The following DPP10 variants were observed in gnomAD, a reference collection of about 807,000 sequenced individuals.
The protein encoded by DPP10 is dipeptidyl peptidase like 10.
Under a neutral mutation model 120.9 loss-of-function variants are expected in DPP10, and 33 were observed. That is an observed-to-expected ratio of 0.27 (90% CI 0.21 to 0.37). DPP10 has a LOEUF of 0.37. Ranked by LOEUF, DPP10 falls within the 10% of genes least tolerant of loss-of-function variation. The pLI, the probability that DPP10 is intolerant of heterozygous loss-of-function variation, is 1.00. For synonymous variants in DPP10, 337 were observed against 326.1 expected (o/e 1.03, Z -0.36); for missense variants, 816 against 942.8 (o/e 0.87, Z 1.76).
rs927932356 is a variant in DPP10, at chr2:115,685,317, A to G, written c.442-4370A>G. Among the ~76,000 whole-genome samples, 3 of 151,978 alleles carry G rather than the reference A, an allele frequency of 2.0e-5. No homozygotes were observed. The South Asian group carries it at 6.2e-4, about 31-fold the overall frequency. ...TGTATAAATCACTTCGACTAAGTCA[A>G]CTAGTATATTTCTATGACGTACTCA... On this transcript the variant is annotated intron_variant, in intron 5 of 25. Transcript: ENST00000410059.
At chr2:114,568,276 T>C (rs541228510) in intron 1 of DPP10, among the ~76,000 whole-genome samples, 1 of 152,194 alleles carries the variant, frequency 6.6e-6, no homozygotes, top group Non-Finnish European at 1.5e-5. Flanking sequence ...TCTACCACTA[T>C]GAATATTTAT....
At chr2:115,464,896 C>A (rs1179235767) in intron 3 of DPP10, among the ~76,000 whole-genome samples, 1 of 152,052 alleles carries the variant, frequency 6.6e-6, no homozygotes, top group Non-Finnish European at 1.5e-5. Context: ...AGTTAGATTT[C>A]CATAATCTCA....
intron 1 of DPP10, among the ~76,000 whole-genome samples, chr2:114,642,556 G>A (rs1017789092): frequency 6.6e-6 from 1 of 151,880 alleles, no homozygotes; most frequent in African/African-American, 2.4e-5. Context: ...GTGCAGATGG[G>A]TAAGTAAGCT....
chr2:114,866,937 G>A (rs1023995335), intron 1 of DPP10, among the ~76,000 whole-genome samples: 2 of 152,286 alleles, frequency 1.3e-5, no homozygotes, highest in East Asian at 3.9e-4. Flanking sequence ...GCCTTGTTAA[G>A]ATTCAGTTTG....
At chr2:115,115,732 G>C (rs2049469575) in intron 1 of DPP10, among the ~76,000 whole-genome samples, 1 of 152,116 alleles carries the variant, frequency 6.6e-6, no homozygotes, top group African/African-American at 2.4e-5. Flanking sequence ...CATAAAAACT[G>C]GTGGTGTGTT....
chr2:114,733,053 A>T (rs891709244), intron 1 of DPP10, among the ~76,000 whole-genome samples: 1 of 152,202 alleles, frequency 6.6e-6, no homozygotes, highest in African/African-American at 2.4e-5. Context: ...AGTAAAGAAG[A>T]GGACACATTG....
intron 1 of DPP10, among the ~76,000 whole-genome samples, chr2:114,875,039 C>A (rs749832381): frequency 6.6e-6 from 1 of 152,108 alleles, no homozygotes; most frequent in African/African-American, 2.4e-5. Context: ...CACAATTATT[C>A]TGTCATCTGG....
Position 115,780,923 on chromosome 2 carries a change from A to G in DPP10, c.1411A>G (p.Met471Val), listed in dbSNP as rs1164930324. Residue 471 changes from methionine to valine, a missense_variant, in exon 16 of 26, where the codon ATG becomes GTG. Met to Val is a conservative substitution (Grantham distance 21). Transcript: ENST00000410059. ...TCGCCAATGCATTTCATGTAATTTC[A>G]TGAAAGAACAATGTACATATTTTGA... ...LNRQCISCNF[M>V]KEQCTYFDAS... is the part of the protein sequence containing the mutation. 8 of 1,604,934 alleles carry G rather than the reference A, an allele frequency of 5.0e-6. No homozygotes were observed. The highest frequency in any genetic ancestry group is 6.0e-6 in the Non-Finnish European group (7 of 1,174,028).
chr2:114,917,079 C>T (rs1177827746), intron 1 of DPP10, among the ~76,000 whole-genome samples: 1 of 152,222 alleles, frequency 6.6e-6, no homozygotes, highest in Non-Finnish European at 1.5e-5. Flanking sequence ...TCCATAGTCT[C>T]TGCCCAAATG....
chr2:114,617,991 A>G (rs1048064469), intron 1 of DPP10, among the ~76,000 whole-genome samples: 1 of 152,024 alleles, frequency 6.6e-6, no homozygotes, highest in Non-Finnish European at 1.5e-5. Context: ...TTTTCTCTAC[A>G]TGTCAGATAA....
intron 1 of DPP10, among the ~76,000 whole-genome samples, chr2:114,946,134 A>C (rs6736340): frequency 0.39 from 59,763 of 152,048 alleles, 12,056 homozygotes; most frequent in Admixed American, 0.43. Flanking sequence ...TTGGTACAGA[A>C]GAAAGAACTT....
intron 1 of DPP10, among the ~76,000 whole-genome samples, chr2:114,991,990 C>T (rs1700777739): frequency 6.6e-6 from 1 of 152,240 alleles, no homozygotes; most frequent in South Asian, 2.1e-4. Context: ...CCAAGGACCA[C>T]AGTCATGAAT....
intron 5 of DPP10, among the ~76,000 whole-genome samples, chr2:115,565,778 T>TTG (rs2080970406): frequency 7.0e-6 from 1 of 142,728 alleles, no homozygotes; most frequent in African/African-American, 2.7e-5. Context: ...TGTTTTTTTT[T>TTG]GTTTTTTTTT....
chr2:115,727,620 A>G (rs2092797176), intron 7 of DPP10, among the ~76,000 whole-genome samples, 196 bp from the exon 8 acceptor site: 1 of 152,168 alleles, frequency 6.6e-6, no homozygotes, highest in African/African-American at 2.4e-5. Context: ...TCCAAATGAC[A>G]ACTTGATATT....
At chr2:115,342,111 AT>A in intron 2 of DPP10, 1 of 452,546 alleles carries the variant, frequency 2.2e-6, no homozygotes, top group Non-Finnish European at 4.4e-6. Flanking sequence ...GCCTTCTCTG[AT>A]TTTTTCTGTG....
At chr2:115,809,746 A>C (rs1453162898) in intron 19 of DPP10, among the ~76,000 whole-genome samples, 1 of 152,204 alleles carries the variant, frequency 6.6e-6, no homozygotes, top group Admixed American at 6.5e-5. Flanking sequence ...CAGTGGACAC[A>C]GGTAAGCAGC....
intron 1 of DPP10, among the ~76,000 whole-genome samples, chr2:114,712,798 C>G (rs571853378): frequency 4.1e-4 from 63 of 152,172 alleles, no homozygotes; most frequent in African/African-American, 1.5e-3. Context: ...TATACAAACA[C>G]ATACACTTCT....
intron 1 of DPP10, among the ~76,000 whole-genome samples, chr2:115,150,877 G>T (rs567480792): frequency 6.6e-6 from 1 of 152,216 alleles, no homozygotes; most frequent in Non-Finnish European, 1.5e-5. Flanking sequence ...CGTTTAGTGT[G>T]TTGGGATAAA....
At chr2:115,769,147 T>C (rs1006695605) in intron 13 of DPP10, among the ~76,000 whole-genome samples, 5 of 152,020 alleles carry the variant, frequency 3.3e-5, no homozygotes, top group Non-Finnish European at 5.9e-5. Flanking sequence ...TCCTTCAAAA[T>C]CATATAATAA....
Sources: gnomAD v4.1 joint callset for allele counts (sites outside exome capture counted in the v4.1 genomes callset) on GRCh38, gnomAD v4.1.1 for gene constraint, MANE v1.5 for transcripts, NCBI Gene and HGNC (gene_info 2026-07-23, HGNC 2026-07-21) for gene names.